DOCK9: variants seen among roughly 807,000 people sequenced by gnomAD.
The protein encoded by DOCK9 is dedicator of cytokinesis 9, also known as dedicator of cytokinesis protein 9.
In DOCK9, 89 loss-of-function variants were observed where a neutral mutation model predicts 263.3. The observed-to-expected ratio is 0.34, with a 90% confidence interval of 0.28 to 0.40. DOCK9 has a LOEUF of 0.40. Among genes scored for constraint, DOCK9 ranks in the 10% least tolerant of loss-of-function variants. DOCK9 has a pLI of 1.00. For missense variants in DOCK9, 2,140 were observed against 2,603.4 expected, an observed-to-expected ratio of 0.82 and a Z score of 3.87; for synonymous variants, 976 against 973.1, an observed-to-expected ratio of 1.00 and a Z score of -0.06.
At chr13:99,006,614 T>G (rs561966788) in intron 1 of DOCK9, among the ~76,000 whole-genome samples, 1 of 152,334 alleles carries the variant, frequency 6.6e-6, no homozygotes, top group South Asian at 2.1e-4. Context: ...TTATCCCTTT[T>G]TTAATATTTG....
At chr13:98,975,204 C>A (rs891132028) in intron 1 of DOCK9, among the ~76,000 whole-genome samples, 8 of 151,964 alleles carry the variant, frequency 5.3e-5, no homozygotes, top group Non-Finnish European at 1.2e-4. Context: ...CATGATGAAA[C>A]CCTGTCCCTA....
intron 15 of DOCK9, among the ~76,000 whole-genome samples, chr13:98,892,266 C>T (rs1566879117): frequency 6.6e-6 from 1 of 152,076 alleles, no homozygotes; most frequent in Non-Finnish European, 1.5e-5. Flanking sequence ...TCAACAATTC[C>T]CACAGAGGAA....
chr13:99,020,123 A>T (rs1885904655), intron 1 of DOCK9, among the ~76,000 whole-genome samples: 1 of 152,114 alleles, frequency 6.6e-6, no homozygotes, highest in Non-Finnish European at 1.5e-5. Flanking sequence ...AAAATTTAAG[A>T]ATGAGGGTGG....
At chr13:98,833,461 G>A (rs886763558) in intron 39 of DOCK9, among the ~76,000 whole-genome samples, 3 of 152,094 alleles carry the variant, frequency 2.0e-5, no homozygotes, top group African/African-American at 7.2e-5. Flanking sequence ...GTCTGAACTG[G>A]CCCATGTTTC....
chr13:98,924,004 T>C (rs2052511040), intron 4 of DOCK9, among the ~76,000 whole-genome samples: 2 of 152,170 alleles, frequency 1.3e-5, no homozygotes, highest in South Asian at 4.1e-4. Flanking sequence ...CATTTGGAAA[T>C]TCTCATTAAT....
chr13:98,934,564 A>G (rs2054508662), intron 2 of DOCK9, among the ~76,000 whole-genome samples: 1 of 152,228 alleles, frequency 6.6e-6, no homozygotes, highest in South Asian at 2.1e-4. Flanking sequence ...CCAAAACAAG[A>G]TTGTAAGACA....
At chr13:98,944,509 G>A (rs1035381764) in intron 2 of DOCK9, among the ~76,000 whole-genome samples, 3 of 152,084 alleles carry the variant, frequency 2.0e-5, no homozygotes, top group Non-Finnish European at 4.4e-5. Context: ...GTTTCAGCAG[G>A]AGGCATCATG....
intron 27 of DOCK9, among the ~76,000 whole-genome samples, chr13:98,869,876 T>C (rs2094142776): frequency 6.6e-6 from 1 of 152,276 alleles, no homozygotes; most frequent in Non-Finnish European, 1.5e-5. Context: ...TGGACTGTGC[T>C]GTGGCAGTGA....
intron 1 of DOCK9, among the ~76,000 whole-genome samples, chr13:98,976,585 A>G (rs965632806): frequency 1.6e-4 from 25 of 152,250 alleles, no homozygotes; most frequent in South Asian, 4.1e-4. Flanking sequence ...ACAGCCTGTG[A>G]GCAACCCAAC....
chr13:99,064,350 A>G (rs1409759674), intron 1 of DOCK9, among the ~76,000 whole-genome samples: 1 of 152,214 alleles, frequency 6.6e-6, no homozygotes, highest in Non-Finnish European at 1.5e-5. Flanking sequence ...CAGTATTTGG[A>G]TATCAAAGGA....
chr13:99,059,858 G>A (rs1048084505), intron 1 of DOCK9, among the ~76,000 whole-genome samples: 9 of 152,054 alleles, frequency 5.9e-5, no homozygotes, highest in Admixed American at 1.3e-4. Context: ...TCTACTTTCT[G>A]TCTCTATGCT....
chr13:98,885,744 CT>C lies in DOCK9; in HGVS notation c.2223del (p.Gly742GlufsTer21). ...ACGACATCCCTCTTCTTCGTGCTTC[CT>C]TTACTTGAGTTGTCACAGCTGACAT... is the stretch of plus-strand genomic sequence containing the variant. ...FFHVSCDNSS[K>X]GSTKKRDVVE... On this transcript the variant is annotated frameshift_variant, in exon 20 of 53. Coordinates refer to ENST00000682017, the MANE Select transcript of DOCK9 (RefSeq NM_001366683.2). LOFTEE classifies it high-confidence loss of function. The C allele has an allele frequency of 1.2e-6, 2 of 1,611,928 alleles. No homozygotes were observed. The highest frequency in any genetic ancestry group is 1.7e-6 in the Non-Finnish European group (2 of 1,179,346).
intron 1 of DOCK9, among the ~76,000 whole-genome samples, chr13:99,081,899 C>A (rs1450400064): frequency 1.3e-5 from 2 of 152,038 alleles, no homozygotes. Context: ...ATTACTTTTC[C>A]TACAGTTAAA....
chr13:98,854,583 G>A (rs1397128151), intron 34 of DOCK9: 5 of 152,264 alleles, frequency 3.3e-5, no homozygotes, highest in African/African-American at 7.2e-5. Context: ...CAGTGGGAGG[G>A]AAGGTGTTGC....
chr13:98,855,451 G>C (rs2093684051), intron 34 of DOCK9, among the ~76,000 whole-genome samples: 2 of 152,078 alleles, frequency 1.3e-5, no homozygotes, highest in African/African-American at 4.8e-5. Flanking sequence ...TTGTGCCTGT[G>C]GTCCCAGCTG....
chr13:98,941,969 A>T (rs1337054669), intron 2 of DOCK9, among the ~76,000 whole-genome samples: 1 of 152,216 alleles, frequency 6.6e-6, no homozygotes, highest in African/African-American at 2.4e-5. Flanking sequence ...TCATCACTGA[A>T]TTACAGATTA....
At chr13:98,887,139 A>ATTT (rs1594981810) in intron 18 of DOCK9, among the ~76,000 whole-genome samples, 2 of 48,764 alleles carry the variant, frequency 4.1e-5, no homozygotes, top group East Asian at 8.7e-4. Flanking sequence ...ATATATATAT[A>ATTT]TATATTTTTT....
At chr13:98,995,114 C>A (rs192442075) in intron 1 of DOCK9, among the ~76,000 whole-genome samples, 13 of 152,296 alleles carry the variant, frequency 8.5e-5, no homozygotes, top group African/African-American at 3.1e-4. Context: ...CATGTGCAGG[C>A]CCATCAGTCA....
At chr13:98,933,749 T>C (rs947365326) in intron 2 of DOCK9, among the ~76,000 whole-genome samples, 1 of 152,258 alleles carries the variant, frequency 6.6e-6, no homozygotes, top group Non-Finnish European at 1.5e-5. Context: ...TCCTCGTCTA[T>C]GCATAGTGCT....
Sources: allele counts gnomAD v4.1 joint callset (sites outside exome capture counted in the v4.1 genomes callset), GRCh38; gene constraint gnomAD v4.1.1; transcripts MANE v1.5; gene names NCBI Gene and HGNC (gene_info 2026-07-23, HGNC 2026-07-21).